Variants in KCNH7 observed in about 807,000 individuals in gnomAD.
KCNH7 encodes the protein potassium voltage-gated channel subfamily H member 7.
KCNH7 carries 49 observed loss-of-function variants against 120.8 expected under a neutral mutation model. That is an observed-to-expected ratio of 0.41 (90% CI 0.32 to 0.51). The LOEUF is 0.51. Among genes scored for constraint, KCNH7 ranks in the 20% least tolerant of loss-of-function variants. The pLI is 0.38. For missense variants in KCNH7, 1,097 were observed against 1,446.6 expected, an observed-to-expected ratio of 0.76 and a Z score of 3.92; for synonymous variants, 547 against 516.1, an observed-to-expected ratio of 1.06 and a Z score of -0.81.
intron 2 of KCNH7, among the ~76,000 whole-genome samples, chr2:162,813,349 C>A (rs138204622): frequency 2.6e-5 from 4 of 152,154 alleles, no homozygotes; most frequent in African/African-American, 9.7e-5. Context: ...ATTCCTCGAT[C>A]AGGTACACTC....
intron 14 of KCNH7, among the ~76,000 whole-genome samples, chr2:162,379,643 G>A (rs1324401774): frequency 3.3e-5 from 5 of 152,076 alleles, no homozygotes; most frequent in Admixed American, 1.3e-4. Context: ...GAAAAAAATA[G>A]GATTTTTGCT....
chr2:162,577,393 CT>C (rs1413946432), intron 2 of KCNH7, among the ~76,000 whole-genome samples: 4 of 149,650 alleles, frequency 2.7e-5, no homozygotes, highest in African/African-American at 9.8e-5. Context: ...ATCTATCTAT[CT>C]ATCCATCTAT....
At chr2:162,695,646 G>T (rs1040670237) in intron 2 of KCNH7, among the ~76,000 whole-genome samples, 1 of 152,114 alleles carries the variant, frequency 6.6e-6, no homozygotes, top group African/African-American at 2.4e-5. Flanking sequence ...ATCTGGGGAT[G>T]GTTTTGCCTG....
chr2:162,784,705 T>A (rs979685009), intron 2 of KCNH7: 2 of 152,106 alleles, frequency 1.3e-5, no homozygotes, highest in African/African-American at 4.8e-5. Context: ...CATCCACAAA[T>A]AAAGCAAGAT....
intron 2 of KCNH7, among the ~76,000 whole-genome samples, chr2:162,694,723 T>C (rs1035221991): frequency 3.3e-5 from 5 of 151,994 alleles, no homozygotes; most frequent in African/African-American, 1.2e-4. Context: ...AACTTCCAGC[T>C]AGCTTAGAGT....
chr2:162,782,108 C>G (rs767960832), intron 2 of KCNH7, among the ~76,000 whole-genome samples: 3 of 152,170 alleles, frequency 2.0e-5, no homozygotes, highest in African/African-American at 7.2e-5. Flanking sequence ...TTATTAAATA[C>G]ATTCAACACA....
intron 12 of KCNH7, among the ~76,000 whole-genome samples, chr2:162,387,156 C>T (rs527385722): frequency 6.7e-6 from 1 of 149,862 alleles, no homozygotes; most frequent in South Asian, 2.1e-4. Context: ...GTATTAGTTG[C>T]TACTGGACTA....
chr2:162,666,582 ATGTGCCTTTAGGACC>A (rs1323138015), intron 2 of KCNH7, among the ~76,000 whole-genome samples: 2 of 151,982 alleles, frequency 1.3e-5, no homozygotes, highest in East Asian at 3.9e-4. Flanking sequence ...CCCACACCTC[ATGTGCCTTTAGGACC>A]TGTAGCTACA....
At chr2:162,731,132 A>G (rs1687712407) in intron 2 of KCNH7, among the ~76,000 whole-genome samples, 1 of 150,636 alleles carries the variant, frequency 6.6e-6, no homozygotes, top group African/African-American at 2.5e-5. Context: ...CAAAATCATA[A>G]GTAACATGGA....
intron 2 of KCNH7, among the ~76,000 whole-genome samples, chr2:162,617,262 GAGGTC>G (rs1216156531): frequency 6.6e-6 from 1 of 151,910 alleles, no homozygotes; most frequent in Non-Finnish European, 1.5e-5. Context: ...GGCAGATCAC[GAGGTC>G]AGGAGATCGA....
At chr2:162,562,157 T>G (rs1052439991) in intron 2 of KCNH7, among the ~76,000 whole-genome samples, 4 of 152,142 alleles carry the variant, frequency 2.6e-5, no homozygotes, top group Admixed American at 6.5e-5. Flanking sequence ...CATGTATACC[T>G]ATGTAACAAA....
Position 162,394,445 on chromosome 2 carries a change from CCTT to C in KCNH7, c.2651_2653del (p.Glu884del), listed in dbSNP as rs1558923523. 3 of 1,607,200 alleles carry C rather than the reference CCTT, an allele frequency of 1.9e-6. No homozygotes were observed. The highest frequency in any genetic ancestry group is 2.6e-6 in the Non-Finnish European group (3 of 1,174,730). ...CCTTCTTCTTAGTTTACAGTTGTCT[CCTT>C]CTGAATCATTCATGGATTGTGATCG... On this transcript the variant is annotated inframe_deletion, in exon 12 of 16. Coordinates refer to ENST00000332142, the MANE Select transcript of KCNH7 (RefSeq NM_033272.4).
At chr2:162,492,155 T>C (rs1558975034) in intron 6 of KCNH7, among the ~76,000 whole-genome samples, 1 of 152,158 alleles carries the variant, frequency 6.6e-6, no homozygotes, top group Non-Finnish European at 1.5e-5. Flanking sequence ...GCTTATATCC[T>C]CTGTAAAGTT....
chr2:162,630,493 C>T (rs11894317), intron 2 of KCNH7, among the ~76,000 whole-genome samples: 17,178 of 151,480 alleles, frequency 0.11, 1,748 homozygotes, highest in East Asian at 0.3. Flanking sequence ...AAAAAAAAGA[C>T]GCAAGAAAAG....
chr2:162,432,892 C>A (rs905439055), intron 8 of KCNH7, among the ~76,000 whole-genome samples: 4 of 151,978 alleles, frequency 2.6e-5, no homozygotes, highest in African/African-American at 9.7e-5. Flanking sequence ...TAATATTATT[C>A]TCTTCCTATA....
chr2:162,803,861 T>C (rs764151239), intron 2 of KCNH7, among the ~76,000 whole-genome samples: 15 of 151,850 alleles, frequency 9.9e-5, no homozygotes, highest in Admixed American at 7.2e-4. Context: ...CTGTGGACAA[T>C]GACACATTCT....
At chr2:162,553,517 C>T (rs886780147) in intron 2 of KCNH7, among the ~76,000 whole-genome samples, 3 of 152,008 alleles carry the variant, frequency 2.0e-5, no homozygotes, top group African/African-American at 4.8e-5. Context: ...GGTGTGGTGG[C>T]GGGCGCCTGT....
Position 162,371,696 on chromosome 2 carries a change from G to T in KCNH7, c.*133C>A. ...TTTTACCTTACAAGCTTCAATTTAG[G>T]AAAATATACAGTACTTTTGCATATA... On this transcript the variant is annotated 3_prime_UTR_variant, in exon 16 of 16. Coordinates refer to ENST00000332142, the MANE Select transcript of KCNH7 (RefSeq NM_033272.4). The T allele has an allele frequency of 1.1e-6, 1 of 928,038 alleles. No homozygotes were observed. Among genetic ancestry groups the T allele is most frequent in the Non-Finnish European group, 1.6e-6 (1 of 644,066 alleles). 57.5% of individuals were successfully genotyped at this position (928,038 alleles called of 1,614,324 possible). A position where few individuals can be genotyped will look rare whatever the true frequency, so the allele number is the denominator to read the frequency against.
intron 6 of KCNH7, among the ~76,000 whole-genome samples, chr2:162,449,419 C>A (rs1187715449): frequency 6.6e-6 from 1 of 151,854 alleles, no homozygotes; most frequent in African/African-American, 2.4e-5. Context: ...AAATTGTGTA[C>A]CCTACAAGGA....
Sources: allele counts gnomAD v4.1 joint callset (sites outside exome capture counted in the v4.1 genomes callset), GRCh38; gene constraint gnomAD v4.1.1; transcripts MANE v1.5; gene names NCBI Gene and HGNC (gene_info 2026-07-23, HGNC 2026-07-21).